The following RBM25 variants were observed in gnomAD, a reference collection of about 807,000 sequenced individuals.
RBM25 encodes the protein RNA-binding protein 25.
In RBM25, 19 loss-of-function variants were observed where a neutral mutation model predicts 120.7. That is an observed-to-expected ratio of 0.16 (90% CI 0.11 to 0.23). RBM25 has a LOEUF of 0.23. RBM25 is among the 10% of genes least tolerant of loss of function. The pLI is 1.00. For missense variants in RBM25, 605 were observed against 1,041.5 expected, an observed-to-expected ratio of 0.58 and a Z score of 5.77; for synonymous variants, 390 against 326.7, an observed-to-expected ratio of 1.19 and a Z score of -2.09.
intron 2 of RBM25, among the ~76,000 whole-genome samples, chr14:73,072,682 G>A (rs1895323102): frequency 6.6e-6 from 1 of 152,170 alleles, no homozygotes; most frequent in Non-Finnish European, 1.5e-5. Context: ...GGGTGTGGTG[G>A]TGCGTGTCTG....
chr14:73,073,514 G>A (rs117546126), intron 2 of RBM25, among the ~76,000 whole-genome samples: 2,449 of 152,244 alleles, frequency 0.016, 48 homozygotes, highest in East Asian at 0.048. Flanking sequence ...GTGGCAAAAT[G>A]CCATCTCTGC....
intron 15 of RBM25, 173 bp from the exon 16 acceptor site, chr14:73,111,355 A>T: frequency 1.1e-6 from 1 of 871,266 alleles, no homozygotes; most frequent in Non-Finnish European, 1.7e-6. Flanking sequence ...TTCTGAGAAG[A>T]AGTGAAAAGT....
intron 7 of RBM25, among the ~76,000 whole-genome samples, chr14:73,098,368 G>T (rs996887906): frequency 1.3e-5 from 2 of 152,138 alleles, no homozygotes; most frequent in Non-Finnish European, 2.9e-5. Flanking sequence ...GAGCTCAAAT[G>T]ATCTGCCTGC....
At chr14:73,073,430 G>A (rs79819349) in intron 2 of RBM25, among the ~76,000 whole-genome samples, 11,866 of 152,294 alleles carry the variant, frequency 0.078, 576 homozygotes, top group South Asian at 0.19. Context: ...GCTCACGCCT[G>A]TAACCTCAGA....
intron 9 of RBM25, 134 bp from the exon 10 acceptor site, chr14:73,103,058 T>G (rs575398666): frequency 6.7e-7 from 1 of 1,502,634 alleles, no homozygotes; most frequent in East Asian, 2.3e-5. Context: ...ATTTGTCACA[T>G]AAAACCACAA....
At chr14:73,103,791 T>G (rs957640129) in intron 10 of RBM25, among the ~76,000 whole-genome samples, 1 of 152,042 alleles carries the variant, frequency 6.6e-6, no homozygotes, top group Non-Finnish European at 1.5e-5. Flanking sequence ...TGGCCTCAAG[T>G]GATCCGCCTG....
intron 4 of RBM25, among the ~76,000 whole-genome samples, chr14:73,080,262 C>T (rs950247893): frequency 4.5e-5 from 5 of 110,256 alleles, no homozygotes; most frequent in Non-Finnish European, 1.7e-5. Context: ...CTTGCTCTGT[C>T]GCCCAGGCTG....
chr14:73,121,559 C>T lies in RBM25; in HGVS notation c.*1754C>T, dbSNP rs1459989984. 1 of 152,026 alleles carries T rather than the reference C, an allele frequency of 6.6e-6. No homozygotes were observed. The highest frequency in any genetic ancestry group is 1.5e-5 in the Non-Finnish European group (1 of 68,010). The allele number at this position is 152,026 out of a possible 1,614,324, so 9.4% of individuals were successfully genotyped here. A position where few individuals can be genotyped will look rare whatever the true frequency, so the allele number is the denominator to read the frequency against. ...CAACGGAAAATTTCAGAAAAGATGCCCCTTGCCATTTTCGTTAATTTTTCA... is the reference window on the plus strand; with the variant it reads ...CAACGGAAAATTTCAGAAAAGATGCTCCTTGCCATTTTCGTTAATTTTTCA... On this transcript the variant is annotated 3_prime_UTR_variant, in exon 19 of 19. Transcript: ENST00000261973.
At chr14:73,097,531 C>G (rs1895975300) in intron 7 of RBM25, among the ~76,000 whole-genome samples, 1 of 152,048 alleles carries the variant, frequency 6.6e-6, no homozygotes, top group Non-Finnish European at 1.5e-5. Flanking sequence ...GACAAGGTCT[C>G]ACTATGTTTT....
chr14:73,103,255 GAA>G lies in RBM25; in HGVS notation c.933_934del (p.Arg314GlyfsTer3). On this transcript the variant is annotated frameshift_variant, in exon 10 of 19. Coordinates refer to ENST00000261973, the MANE Select transcript of RBM25 (RefSeq NM_021239.3). LOFTEE classifies it high-confidence loss of function. ...ACAGGAAATTGAGAAAGAACGGAGA[GAA>G]AGAGAGAGGGAGCGTGAAAGGGAAC... ...ERQEIEKERR[E>X]RERERERERE... 2 of 1,601,762 alleles carry G rather than the reference GAA, an allele frequency of 1.2e-6. No homozygotes were observed. Among genetic ancestry groups the G allele is most frequent in the Non-Finnish European group, 1.7e-6 (2 of 1,173,200 alleles).
chr14:73,084,004 TCTC>T (rs571409231), intron 5 of RBM25, among the ~76,000 whole-genome samples: 1 of 151,954 alleles, frequency 6.6e-6, no homozygotes, highest in African/African-American at 2.4e-5. Flanking sequence ...TTGGAGCAGT[TCTC>T]CTGCTTCAGC....
intron 12 of RBM25, 101 bp from the exon 13 acceptor site, chr14:73,107,725 G>C: frequency 1.2e-6 from 1 of 821,616 alleles, no homozygotes; most frequent in Non-Finnish European, 2.0e-6. Flanking sequence ...TCTTACTCTT[G>C]GTTTATGTCT....
intron 6 of RBM25, among the ~76,000 whole-genome samples, chr14:73,093,269 C>G (rs1270483036): frequency 6.6e-6 from 1 of 152,180 alleles, no homozygotes; most frequent in Non-Finnish European, 1.5e-5. Flanking sequence ...AAAGAAAGAA[C>G]TCTGCATTTC....
At chr14:73,091,565 T>C (rs1051367289) in intron 6 of RBM25, among the ~76,000 whole-genome samples, 2 of 152,054 alleles carry the variant, frequency 1.3e-5, no homozygotes, top group Non-Finnish European at 2.9e-5. Context: ...TTTAGATCTG[T>C]TGGTCTTCAG....
intron 6 of RBM25, among the ~76,000 whole-genome samples, chr14:73,096,298 T>C (rs1289278443): frequency 2.6e-5 from 4 of 152,144 alleles, no homozygotes; most frequent in Admixed American, 6.5e-5. Flanking sequence ...GATAAAGACC[T>C]ACAAATACTT....
chr14:73,099,544 T>C, intron 8 of RBM25, 111 bp downstream of exon 8: 2 of 1,584,214 alleles, frequency 1.3e-6, no homozygotes, highest in Admixed American at 1.9e-5. Context: ...TTAGATTTGT[T>C]ATTGTGGATA....
In RBM25 at chr14:73,109,483, G is replaced by A. The variant is rs982325618; in HGVS notation, c.1683G>A (p.Glu561=). 4.3e-6 allele frequency: 7 copies of A among 1,613,872 alleles called. No homozygotes were observed. The highest frequency in any genetic ancestry group is 1.3e-5 in the African/African-American group (1 of 74,940). ...AAGGGCATCCAGATCCAGATGCAGAGCTCCAGAGGGTAAGATACTGTACCA... is the reference window on the plus strand; with the variant it reads ...AAGGGCATCCAGATCCAGATGCAGAACTCCAGAGGGTAAGATACTGTACCA... ...LAEGHPDPDA[E]LQRMEQEAER... is the part of the protein sequence containing the mutation. Residue 561 remains glutamate (E), a synonymous_variant, in exon 14 of 19, where the codon GAG becomes GAA. Transcript: ENST00000261973.
At chr14:73,060,960 C>G (rs987239830) in intron 1 of RBM25, among the ~76,000 whole-genome samples, 9 of 150,598 alleles carry the variant, frequency 6.0e-5, no homozygotes, top group African/African-American at 2.2e-4. Context: ...TACCTAACAA[C>G]AGTACGACAA....
In RBM25 at chr14:73,122,731, AAATCATC is replaced by A. The variant is rs1473265189; in HGVS notation, c.*2927_*2933del. The A allele has an allele frequency of 1.3e-5, 2 of 152,200 alleles. No homozygotes were observed. The highest frequency in any genetic ancestry group is 2.9e-5 in the Non-Finnish European group (2 of 68,030). 9.4% of individuals were successfully genotyped at this position (152,200 alleles called of 1,614,324 possible). On this transcript the variant is annotated 3_prime_UTR_variant, in exon 19 of 19. Transcript: ENST00000261973. ...TTTTCTTAAACTTTAATGTGACCCCAAATCATCTGAGGAGTGCTTGTAGAAATAGAGA... is the reference window on the plus strand; with the variant it reads ...TTTTCTTAAACTTTAATGTGACCCCATGAGGAGTGCTTGTAGAAATAGAGA...
Sources: allele counts gnomAD v4.1 joint callset (sites outside exome capture counted in the v4.1 genomes callset), GRCh38; gene constraint gnomAD v4.1.1; transcripts MANE v1.5; gene names NCBI Gene and HGNC (gene_info 2026-07-23, HGNC 2026-07-21).